DNMBP: variants seen among roughly 807,000 people sequenced by gnomAD.
DNMBP encodes dynamin binding protein.
A neutral mutation model predicts 150.0 loss-of-function variants in DNMBP; 87 were observed. The ratio of observed to expected loss-of-function variants is 0.58; its 90% CI spans 0.49 to 0.69. The LOEUF is 0.69. Ranked by LOEUF, DNMBP falls within the 30% of genes least tolerant of loss-of-function variation. The probability of loss-of-function intolerance (pLI) is 0.00; values close to 1 mark genes in which losing one functional copy is unlikely to be tolerated. For synonymous variants in DNMBP, 711 were observed against 750.4 expected, an observed-to-expected ratio of 0.95 and a Z score of 0.86; for missense variants, 1,774 against 1,949.0, an observed-to-expected ratio of 0.91 and a Z score of 1.69.
chr10:100,008,746 AAACTAACTTGCTGATCACCGTGT>A (rs1353118901), intron 1 of DNMBP, among the ~76,000 whole-genome samples: 1 of 152,240 alleles, frequency 6.6e-6, no homozygotes, highest in African/African-American at 2.4e-5. Context: ...GGTAGAGGAT[AAACTAACTTGCTGATCACCGTGT>A]CGGTATTCAT....
chr10:99,888,840 C>T lies in DNMBP; in HGVS notation c.3270G>A (p.Gln1090=). Reference sequence around the variant, plus strand: ...AGTTACTTACAAAGTTTGTGAAGAGCTGGTCACTGATGTAGCGATGCACCC... The same window carrying T: ...AGTTACTTACAAAGTTTGTGAAGAGTTGGTCACTGATGTAGCGATGCACCC... The part of the protein sequence containing the change: ...FERVHRYISD[Q]LFTNFKERTE... Residue 1090 remains glutamine (Q), a synonymous_variant, in exon 12 of 17, where the codon CAG becomes CAA. Transcript: ENST00000324109. 1 of 1,614,064 alleles carries T rather than the reference C, an allele frequency of 6.2e-7. No homozygotes were observed. Among genetic ancestry groups the T allele is most frequent in the Non-Finnish European group, 8.5e-7 (1 of 1,179,976 alleles).
chr10:99,955,247 C>T lies in DNMBP; in HGVS notation c.2227G>A (p.Glu743Lys). The T allele has an allele frequency of 6.2e-7, 1 of 1,613,904 alleles. No individual in the cohort carries two copies. The highest frequency in any genetic ancestry group is 2.2e-5 in the East Asian group (1 of 44,882). ...EDLKFCESNI[E>K]SLNMELQQLR... Reference sequence around the variant, plus strand: ...TGCTGGAGTTCCATATTCAAACTTTCAATGTTACTTTCACAGAACTTGAGA... The same window carrying T: ...TGCTGGAGTTCCATATTCAAACTTTTAATGTTACTTTCACAGAACTTGAGA... Residue 743 changes from glutamate (E) to lysine (K), a missense_variant, in exon 4 of 17, where the codon GAA becomes AAA. Physicochemically the swap from Glu to Lys is moderately conservative, Grantham distance 56. This residue lies in a region of DNMBP where 1,430 missense variants were observed against 1,492.5 expected (regional missense o/e 0.96). Transcript: ENST00000324109.
At chr10:99,968,894 C>T (rs2040647136) in intron 3 of DNMBP, among the ~76,000 whole-genome samples, 2 of 152,134 alleles carry the variant, frequency 1.3e-5, no homozygotes, top group Non-Finnish European at 2.9e-5. Context: ...CCTCCCAGGT[C>T]TGTGCTGAGG....
At chr10:99,979,704 C>T (rs866072234) in intron 1 of DNMBP, among the ~76,000 whole-genome samples, 4 of 152,202 alleles carry the variant, frequency 2.6e-5, no homozygotes, top group Non-Finnish European at 4.4e-5. Context: ...ATATTAAAGA[C>T]TGAAACAATT....
At chr10:99,883,509 T>TA (rs1203650989) in intron 15 of DNMBP, among the ~76,000 whole-genome samples, 10 of 151,404 alleles carry the variant, frequency 6.6e-5, no homozygotes, top group African/African-American at 2.2e-4. Context: ...ATAAAATTAT[T>TA]AAAAAATTAG....
intron 12 of DNMBP, among the ~76,000 whole-genome samples, chr10:99,887,212 G>A (rs537032635): frequency 3.3e-5 from 5 of 151,504 alleles, no homozygotes; most frequent in African/African-American, 1.2e-4. Flanking sequence ...GTCAGCCACC[G>A]CACACAGCCC....
At chr10:99,949,960 C>A (rs1160269310) in intron 4 of DNMBP, among the ~76,000 whole-genome samples, 1 of 152,136 alleles carries the variant, frequency 6.6e-6, no homozygotes, top group African/African-American at 2.4e-5. Context: ...CTGGGAAATT[C>A]CTGCTACCTG....
chr10:99,968,408 C>G (rs2040642031), intron 3 of DNMBP, among the ~76,000 whole-genome samples: 1 of 152,110 alleles, frequency 6.6e-6, no homozygotes, highest in South Asian at 2.1e-4. Context: ...TGAAGTTGGT[C>G]AGGCGCAGTG....
chr10:99,954,770 G>T (rs1474467756), intron 4 of DNMBP, among the ~76,000 whole-genome samples: 4 of 146,348 alleles, frequency 2.7e-5, no homozygotes, highest in Non-Finnish European at 4.5e-5. Flanking sequence ...AAAAAAAGAG[G>T]CCGGGCGTGG....
chr10:99,884,619 TA>T (rs2039428645), intron 14 of DNMBP, among the ~76,000 whole-genome samples: 1 of 152,156 alleles, frequency 6.6e-6, no homozygotes, highest in Admixed American at 6.5e-5. Context: ...AAGGTAATAA[TA>T]AATTCAGGCT....
At chr10:99,937,594 A>G (rs995984943) in intron 4 of DNMBP, among the ~76,000 whole-genome samples, 6 of 152,184 alleles carry the variant, frequency 3.9e-5, no homozygotes, top group African/African-American at 1.2e-4. Flanking sequence ...AAACAAATAG[A>G]AAGTATCCTG....
intron 15 of DNMBP, among the ~76,000 whole-genome samples, chr10:99,881,254 C>T (rs1400955396): frequency 6.6e-6 from 1 of 152,038 alleles, no homozygotes; most frequent in African/African-American, 2.4e-5. Flanking sequence ...GCTCAAGAAG[C>T]CCCTCCATAG....
chr10:99,990,653 G>GTA lies in DNMBP; in HGVS notation c.-10-18521_-10-18520dup, dbSNP rs1327921757. Among the ~76,000 whole-genome samples the GTA allele has an allele frequency of 6.8e-5, 10 of 148,136 alleles. No individual in the cohort carries two copies. In the South Asian group the frequency reaches 8.5e-4, roughly 13 times the overall value. ...CAAGAAAGACAGTGTGTGTATAAGTGTATATATATACACACATATACATAT... is the reference window on the plus strand; with the variant it reads ...CAAGAAAGACAGTGTGTGTATAAGTGTATATATATATACACACATATACATAT... On this transcript the variant is annotated intron_variant, in intron 1 of 16. Coordinates refer to ENST00000324109, the MANE Select transcript of DNMBP (RefSeq NM_015221.4).
chr10:99,922,419 C>T (rs12772443), intron 4 of DNMBP, among the ~76,000 whole-genome samples: 48,275 of 150,120 alleles, frequency 0.32, 8,314 homozygotes, highest in Non-Finnish European at 0.39. Context: ...CCCAGACCAA[C>T]ATTCCTTCAT....
chr10:99,997,973 A>T (rs12240602), intron 1 of DNMBP, among the ~76,000 whole-genome samples: 27 of 143,028 alleles, frequency 1.9e-4, no homozygotes, highest in African/African-American at 6.7e-4. Flanking sequence ...GGTGGCTCAC[A>T]CCTGTAATCC....
chr10:99,955,113 T>A, intron 4 of DNMBP, 101 bp downstream of exon 4: 1 of 950,204 alleles, frequency 1.1e-6, no homozygotes, highest in Non-Finnish European at 1.6e-6. Flanking sequence ...TCATTTTTTG[T>A]CCATCGAGGA....
At chr10:99,929,809 T>C in intron 4 of DNMBP, 1 of 702,928 alleles carries the variant, frequency 1.4e-6, no homozygotes, top group Non-Finnish European at 2.6e-6. Context: ...GTACACTGAG[T>C]CTGCAGACCA....
intron 12 of DNMBP, among the ~76,000 whole-genome samples, chr10:99,888,244 T>C (rs933539133): frequency 1.5e-5 from 2 of 135,072 alleles, no homozygotes; most frequent in Admixed American, 7.6e-5. Flanking sequence ...AGAGTCTTGC[T>C]CTGTTGCCCA....
chr10:99,880,968 G>A (rs2039358432), intron 15 of DNMBP, among the ~76,000 whole-genome samples: 1 of 152,176 alleles, frequency 6.6e-6, no homozygotes, highest in South Asian at 2.1e-4. Context: ...GCTCATACCT[G>A]TAATCCAGGC....
Sources: gnomAD v4.1 joint callset for allele counts (sites outside exome capture counted in the v4.1 genomes callset) on GRCh38, gnomAD v4.1.1 for gene constraint, gnomAD v4.1.1 regional missense constraint, MANE v1.5 for transcripts, NCBI Gene and HGNC (gene_info 2026-07-23, HGNC 2026-07-21) for gene names.